The following ARMC2 variants were observed in gnomAD, a reference collection of about 807,000 sequenced individuals.
ARMC2 encodes armadillo repeat containing 2, also known as armadillo repeat-containing protein 2.
Under a neutral mutation model 90.3 loss-of-function variants are expected in ARMC2, and 67 were observed. The observed-to-expected ratio is 0.74, with a 90% confidence interval of 0.61 to 0.91. The LOEUF is 0.91. ARMC2 is among the 40% of genes least tolerant of loss of function. ARMC2 has a pLI of 0.00. For missense variants in ARMC2, 920 were observed against 1,030.9 expected (o/e 0.89, Z 1.47); for synonymous variants, 393 against 393.0 (o/e 1.00, Z 0.00).
At chr6:108,898,035 A>T (rs549405119) in intron 6 of ARMC2, among the ~76,000 whole-genome samples, 2 of 152,296 alleles carry the variant, frequency 1.3e-5, no homozygotes, top group South Asian at 4.1e-4. Flanking sequence ...AATAATCCTA[A>T]TCCCAATATT....
At chr6:108,985,221 T>C in the ARMC2 span, among the ~76,000 whole-genome samples, 1 of 152,226 alleles carries the variant, frequency 6.6e-6, no homozygotes, top group African/African-American at 2.4e-5. Flanking sequence ...TGTATCAAAA[T>C]CAATCTCATT....
the ARMC2 span, among the ~76,000 whole-genome samples, chr6:109,049,001 C>T: frequency 2.0e-5 from 3 of 152,138 alleles, no homozygotes; most frequent in Non-Finnish European, 4.4e-5. Context: ...GTCCTTTTTG[C>T]TTAGCACGCT....
the ARMC2 span, chr6:108,987,485 C>T: frequency 2.2e-6 from 2 of 911,164 alleles, no homozygotes; most frequent in Non-Finnish European, 3.5e-6. Flanking sequence ...TTAGTACCTT[C>T]CCCCTTGTAG....
At chr6:109,036,448 G>A in the ARMC2 span, among the ~76,000 whole-genome samples, 1 of 152,106 alleles carries the variant, frequency 6.6e-6, no homozygotes, top group Non-Finnish European at 1.5e-5. Context: ...CACTAATATT[G>A]TTACACACTT....
intron 8 of ARMC2, 68 bp from the exon 9 acceptor site, chr6:108,910,831 G>A (rs1173500441): frequency 1.3e-6 from 1 of 753,060 alleles, no homozygotes; most frequent in African/African-American, 1.9e-5. Flanking sequence ...AATAGATGTG[G>A]TTTATTTTTT....
intron 10 of ARMC2, among the ~76,000 whole-genome samples, chr6:108,914,978 GT>G (rs942534648): frequency 4.0e-5 from 6 of 151,030 alleles, no homozygotes; most frequent in Non-Finnish European, 8.8e-5. Context: ...TTGAGACAGA[GT>G]TTTGCTTTTG....
the ARMC2 span, among the ~76,000 whole-genome samples, chr6:109,007,785 CTTTTTTTT>C: frequency 7.7e-5 from 8 of 103,350 alleles, no homozygotes; most frequent in Non-Finnish European, 1.4e-4. Flanking sequence ...AGTCCAGGTA[CTTTTTTTT>C]TTTTTTTTTT....
the ARMC2 span, among the ~76,000 whole-genome samples, chr6:109,002,669 G>A: frequency 6.6e-6 from 1 of 152,166 alleles, no homozygotes; most frequent in South Asian, 2.1e-4. Flanking sequence ...TAAGACCAGT[G>A]TGTTTGTACA....
chr6:109,026,811 C>T, the ARMC2 span, among the ~76,000 whole-genome samples: 1 of 151,984 alleles, frequency 6.6e-6, no homozygotes, highest in Non-Finnish European at 1.5e-5. Flanking sequence ...CCAGGTTTAA[C>T]TTCTTAAGTA....
Position 108,962,111 on chromosome 6 carries a change from C to T in ARMC2, c.2136C>T (p.Phe712=), listed in dbSNP as rs750866896. The change falls in exon 15 of 18, where the codon TTC becomes TTT. Residue 712 remains phenylalanine (F), a synonymous_variant. Transcript: ENST00000392644. ...NLSQDHDVCD[F]IVQNNVHRFM... ...CCCAGGACCATGATGTCTGCGATTTCATTGTGCAGAACAATGGTGAGTTAA... is the reference window on the plus strand; with the variant it reads ...CCCAGGACCATGATGTCTGCGATTTTATTGTGCAGAACAATGGTGAGTTAA... 263 of 1,608,454 alleles carry T rather than the reference C, an allele frequency of 1.6e-4. 1 individual carries two copies. The highest frequency in any genetic ancestry group is 2.2e-4 in the Non-Finnish European group (257 of 1,176,012).
chr6:108,987,505 G>A, the ARMC2 span: 1 of 1,156,454 alleles, frequency 8.6e-7, no homozygotes, highest in South Asian at 1.2e-5. Flanking sequence ...GACTATATCT[G>A]CTGATCATTC....
At chr6:109,003,038 G>C in the ARMC2 span, among the ~76,000 whole-genome samples, 1 of 151,994 alleles carries the variant, frequency 6.6e-6, no homozygotes, top group African/African-American at 2.4e-5. Flanking sequence ...AGTGACTCTA[G>C]AATCCTGTAC....
At chr6:108,956,261 A>C (rs1174851749) in intron 13 of ARMC2, among the ~76,000 whole-genome samples, 2 of 152,228 alleles carry the variant, frequency 1.3e-5, no homozygotes, top group Admixed American at 1.3e-4. Flanking sequence ...ATTTTCCCAC[A>C]GTTGTTAATA....
At chr6:108,998,975 T>G in the ARMC2 span, 4 of 365,512 alleles carry the variant, frequency 1.1e-5, no homozygotes, top group East Asian at 1.9e-4. Context: ...ACTATTATTT[T>G]GATTTTCTGA....
chr6:108,993,458 T>C, the ARMC2 span, among the ~76,000 whole-genome samples: 1 of 152,154 alleles, frequency 6.6e-6, no homozygotes, highest in Non-Finnish European at 1.5e-5. Flanking sequence ...ACTCTACATC[T>C]TTAGGCATGG....
Position 108,848,486 on chromosome 6 carries a change from G to C in ARMC2, c.-104G>C, listed in dbSNP as rs374879703. ...AGCGCTGCATCCCTGGCCGCTACCC[G>C]GGGAGAGCCGGAGGATGAATTGAAC... On this transcript the variant is annotated 5_prime_UTR_variant, in exon 1 of 18. Transcript: ENST00000392644. 19 of 152,518 alleles carry C rather than the reference G, an allele frequency of 1.2e-4. No homozygotes were observed. The highest frequency in any genetic ancestry group is 4.1e-4 in the African/African-American group (17 of 41,586). The allele number at this position is 152,518 out of a possible 1,614,324, so 9.4% of individuals were successfully genotyped here. A position where few individuals can be genotyped will look rare whatever the true frequency, so the allele number is the denominator to read the frequency against.
At position 108,953,347 on chromosome 6, in the gene ARMC2, G is replaced by A. The variant is rs552011948; in HGVS notation, c.1911G>A (p.Thr637=). ...GGATAGTGGGCCTGCTCCTGACCAC[G>A]CTGGGTGAGAACCGCAGCCCACTGG... ...NPGIVGLLLT[T]LEYKSLDDCE... Residue 637 remains threonine (T), a synonymous_variant, in exon 13 of 18, where the codon ACG becomes ACA. Coordinates refer to ENST00000392644, the MANE Select transcript of ARMC2 (RefSeq NM_032131.6). 2.3e-5 allele frequency: 37 copies of A among 1,598,948 alleles called. No homozygotes were observed. Among genetic ancestry groups the A allele is most frequent in the African/African-American group, 1.3e-4 (10 of 74,936 alleles).
At chr6:108,944,979 A>C (rs1291811125) in intron 12 of ARMC2, among the ~76,000 whole-genome samples, 4 of 152,192 alleles carry the variant, frequency 2.6e-5, no homozygotes, top group Admixed American at 2.6e-4. Context: ...CACACACACA[A>C]AAACTGAGAT....
chr6:108,903,138 G>A (rs986818245), intron 7 of ARMC2, among the ~76,000 whole-genome samples: 3 of 152,148 alleles, frequency 2.0e-5, no homozygotes, highest in Admixed American at 6.5e-5. Flanking sequence ...ACTACACTCC[G>A]GTCTGGGTGA....
Sources: allele counts gnomAD v4.1 joint callset (sites outside exome capture counted in the v4.1 genomes callset), GRCh38; gene constraint gnomAD v4.1.1; transcripts MANE v1.5; gene names NCBI Gene and HGNC (gene_info 2026-07-23, HGNC 2026-07-21).